MACC1: variants seen among roughly 807,000 people sequenced by gnomAD.
MACC1 encodes the protein metastasis-associated in colon cancer protein 1.
In MACC1, 79 loss-of-function variants were observed where a neutral mutation model predicts 70.7. That is an observed-to-expected ratio of 1.12 (90% CI 0.93 to 1.35). MACC1 has a LOEUF of 1.35. MACC1 is among the 40% of genes most tolerant of loss of function. MACC1 has a pLI of 0.00. For missense variants in MACC1, 1,106 were observed against 978.1 expected (o/e 1.13, Z -1.74); for synonymous variants, 361 against 347.2 (o/e 1.04, Z -0.44).
At chr7:20,193,070 G>C (rs1782696503) in intron 1 of MACC1, among the ~76,000 whole-genome samples, 1 of 152,092 alleles carries the variant, frequency 6.6e-6, no homozygotes, top group Admixed American at 6.5e-5. Context: ...CCGCAAAATA[G>C]AATCTGTCCC....
intron 6 of MACC1, among the ~76,000 whole-genome samples, chr7:20,149,253 T>C (rs1447509933): frequency 6.6e-6 from 1 of 152,194 alleles, no homozygotes; most frequent in Non-Finnish European, 1.5e-5. Context: ...ATTCTTCCTA[T>C]AGGCACTCTC....
At chr7:20,170,848 G>A (rs991065229) in intron 1 of MACC1, 70 bp from the exon 2 acceptor site, 1 of 152,208 alleles carries the variant, frequency 6.6e-6, no homozygotes, top group African/African-American at 2.4e-5. Context: ...ATGCACTAAC[G>A]TTTGCTATGA....
At chr7:20,147,098 G>A (rs765088037) in intron 6 of MACC1, among the ~76,000 whole-genome samples, 4 of 152,040 alleles carry the variant, frequency 2.6e-5, no homozygotes, top group African/African-American at 4.8e-5. Context: ...CAGTGTTATA[G>A]GACAAAATAA....
intron 1 of MACC1, among the ~76,000 whole-genome samples, chr7:20,173,041 G>T (rs1488745400): frequency 6.6e-6 from 1 of 152,112 alleles, no homozygotes; most frequent in African/African-American, 2.4e-5. Flanking sequence ...TAAAATTGGG[G>T]TTCTCAACCA....
At chr7:20,202,118 G>T (rs187395449) in intron 1 of MACC1, among the ~76,000 whole-genome samples, 1 of 152,154 alleles carries the variant, frequency 6.6e-6, no homozygotes, top group Non-Finnish European at 1.5e-5. Flanking sequence ...AACCATGTCC[G>T]CACATCCAAG....
chr7:20,149,964 A>G (rs1237906633), intron 6 of MACC1, among the ~76,000 whole-genome samples: 4 of 152,230 alleles, frequency 2.6e-5, no homozygotes, highest in Admixed American at 1.3e-4. Flanking sequence ...TAAATTACAC[A>G]AATACATTCA....
At chr7:20,205,745 C>G (rs778386992) in intron 1 of MACC1, among the ~76,000 whole-genome samples, 1 of 151,856 alleles carries the variant, frequency 6.6e-6, no homozygotes, top group Non-Finnish European at 1.5e-5. Flanking sequence ...TGAGTCGTTC[C>G]ATCCTTTTCC....
chr7:20,158,682 A>C lies in MACC1; in HGVS notation c.1679T>G (p.Val560Gly), dbSNP rs1461565215. 6 of 1,613,830 alleles carry C rather than the reference A, an allele frequency of 3.7e-6. No individual in the cohort carries two copies. Among genetic ancestry groups the C allele is most frequent in the Non-Finnish European group, 5.1e-6 (6 of 1,179,990 alleles). Residue 560 changes from valine to glycine, a missense_variant, in exon 5 of 7, where the codon GTG (valine) becomes GGG (glycine). Coordinates refer to ENST00000400331, the MANE Select transcript of MACC1 (RefSeq NM_182762.4). ...GTAATCAATCTTGCTTTGTCTTAGC[A>C]CTGCCTTCAGGGTTACCCCATAGTT... ...FSNYGVTLKA[V>G]LRQSKIDYFL...
rs982301012 is a variant in MACC1, at chr7:20,201,237, T to TC, written c.-218+16061dup. On this transcript the variant is annotated intron_variant, in intron 1 of 6. Coordinates refer to ENST00000400331, the MANE Select transcript of MACC1 (RefSeq NM_182762.4). Reference sequence around the variant, plus strand: ...GAGGCCAAGAGGGGCTCTCAGACTGTCCCCCCCATGGACTAATTATGCAGA... The same window carrying TC: ...GAGGCCAAGAGGGGCTCTCAGACTGTCCCCCCCCATGGACTAATTATGCAGA... Among the ~76,000 whole-genome samples the TC allele has an allele frequency of 1.1e-4, 17 of 151,844 alleles. 1 individual carries two copies. Among genetic ancestry groups the TC allele is most frequent in the Admixed American group, 3.9e-4 (6 of 15,212 alleles).
At chr7:20,212,236 A>G (rs1783009737) in intron 1 of MACC1, among the ~76,000 whole-genome samples, 1 of 152,188 alleles carries the variant, frequency 6.6e-6, no homozygotes, top group East Asian at 1.9e-4. Flanking sequence ...TGTCTACTAC[A>G]TATTACATGT....
intron 6 of MACC1, 72 bp downstream of exon 6, chr7:20,154,121 A>G (rs1782020546): frequency 1.3e-6 from 2 of 1,494,110 alleles, no homozygotes; most frequent in Non-Finnish European, 1.9e-6. Context: ...TGAATGTGGT[A>G]TGGGTTTGAT....
At position 20,160,369 on chromosome 7, in the gene MACC1, T is replaced by C; in HGVS notation, c.116-124A>G. Reference sequence around the variant, plus strand: ...ACTTTTCATTTTTCTTTCTGATCTCTAGTCTACTAGCTAACATAAACTCAA... The same window carrying C: ...ACTTTTCATTTTTCTTTCTGATCTCCAGTCTACTAGCTAACATAAACTCAA... On this transcript the variant is annotated intron_variant, in intron 4 of 6. Transcript: ENST00000400331. 7 of 1,116,702 alleles carry C rather than the reference T, an allele frequency of 6.3e-6. No homozygotes were observed. In the South Asian group the frequency reaches 1.2e-4, roughly 18 times the overall value. 69.2% of individuals were successfully genotyped at this position (1,116,702 alleles called of 1,614,324 possible). A position where few individuals can be genotyped will look rare whatever the true frequency, so the allele number is the denominator to read the frequency against.
chr7:20,180,396 T>C (rs1583400169), intron 1 of MACC1, among the ~76,000 whole-genome samples: 1 of 150,660 alleles, frequency 6.6e-6, no homozygotes, highest in Non-Finnish European at 1.5e-5. Context: ...TGAGCCGAGA[T>C]TGCGCCACTG....
chr7:20,177,895 T>TGC (rs928237676), intron 1 of MACC1, among the ~76,000 whole-genome samples: 12 of 152,174 alleles, frequency 7.9e-5, no homozygotes, highest in Non-Finnish European at 1.3e-4. Flanking sequence ...TCACACTGAC[T>TGC]GGCAGTCTTC....
intron 1 of MACC1, among the ~76,000 whole-genome samples, chr7:20,213,491 C>T (rs1001031521): frequency 6.6e-6 from 1 of 152,150 alleles, no homozygotes; most frequent in African/African-American, 2.4e-5. Flanking sequence ...ATCATTGCAG[C>T]ACTATTCACA....
chr7:20,167,609 T>C (rs1583392896), intron 2 of MACC1, among the ~76,000 whole-genome samples: 1 of 151,280 alleles, frequency 6.6e-6, no homozygotes, highest in Non-Finnish European at 1.5e-5. Flanking sequence ...TACTAGATAC[T>C]AGCAAACACA....
At chr7:20,150,696 C>G (rs1380399118) in intron 6 of MACC1, 2 of 152,148 alleles carry the variant, frequency 1.3e-5, no homozygotes, top group Admixed American at 1.3e-4. Flanking sequence ...AAACTATTAT[C>G]AACAGGACTA....
intron 1 of MACC1, among the ~76,000 whole-genome samples, chr7:20,210,788 T>A (rs563920372): frequency 4.6e-4 from 70 of 152,236 alleles, no homozygotes; most frequent in Non-Finnish European, 7.8e-4. Context: ...ATTATTTGTT[T>A]AATTAATGAT....
chr7:20,209,621 G>A (rs1782967210), intron 1 of MACC1, among the ~76,000 whole-genome samples: 1 of 152,190 alleles, frequency 6.6e-6, no homozygotes, highest in Non-Finnish European at 1.5e-5. Flanking sequence ...CACTTGCCTT[G>A]TCTTAGATGA....
Sources: allele counts gnomAD v4.1 joint callset (sites outside exome capture counted in the v4.1 genomes callset), GRCh38; gene constraint gnomAD v4.1.1; transcripts MANE v1.5; gene names NCBI Gene and HGNC (gene_info 2026-07-23, HGNC 2026-07-21).